The following ITGA6 variants were observed in gnomAD, a reference collection of about 807,000 sequenced individuals.
ITGA6 encodes integrin subunit alpha 6, also known as integrin alpha-6.
In ITGA6, 63 loss-of-function variants were observed where a neutral mutation model predicts 133.6. The ratio of observed to expected loss-of-function variants is 0.47; its 90% confidence interval spans 0.38 to 0.58. The LOEUF (loss-of-function observed/expected upper bound fraction) is 0.58. Among genes scored for constraint, ITGA6 ranks in the 20% least tolerant of loss-of-function variants. The pLI is 0.00. For missense variants in ITGA6, 1,068 were observed against 1,309.4 expected (o/e 0.82, Z 2.85); for synonymous variants, 434 against 482.0 (o/e 0.90, Z 1.30).
In ITGA6 at chr2:172,504,046, T is replaced by C. The variant is rs747349502; in HGVS notation, c.*23-45T>C. 1.4e-5 allele frequency: 20 copies of C among 1,474,436 alleles called. No homozygotes were observed. In the South Asian group the frequency reaches 2.2e-4, roughly 16 times the overall value. 91.3% of individuals were successfully genotyped at this position (1,474,436 alleles called of 1,614,324 possible). A position where few individuals can be genotyped will look rare whatever the true frequency, so the allele number is the denominator to read the frequency against. On this transcript the variant is annotated intron_variant, in intron 25 of 25. Transcript: ENST00000684293. ...CATTCCCATTTAGTGTATTTGCTTC[T>C]TTGTGAGATTAATTTGTTTCTCTTT... is the stretch of plus-strand genomic sequence containing the variant.
intron 5 of ITGA6, among the ~76,000 whole-genome samples, chr2:172,471,925 A>T (rs1685957734): frequency 6.6e-6 from 1 of 151,774 alleles, no homozygotes; most frequent in Non-Finnish European, 1.5e-5. Flanking sequence ...GAAGAAAAGT[A>T]CCCAGATGTT....
chr2:172,457,839 A>G (rs1256186457), intron 1 of ITGA6, among the ~76,000 whole-genome samples: 1 of 152,180 alleles, frequency 6.6e-6, no homozygotes, highest in African/African-American at 2.4e-5. Context: ...CAAACTAGGT[A>G]TATGGTTTTG....
intron 1 of ITGA6, among the ~76,000 whole-genome samples, chr2:172,456,293 A>G (rs16860435): frequency 0.095 from 14,508 of 152,260 alleles, 1,122 homozygotes; most frequent in African/African-American, 0.21. Context: ...GAGACTGGCC[A>G]TATGGCTTCC....
intron 1 of ITGA6, 70 bp from the exon 2 acceptor site, chr2:172,465,469 G>A: frequency 6.4e-7 from 1 of 1,563,766 alleles, no homozygotes; most frequent in East Asian, 2.2e-5. Flanking sequence ...CTATCTCCTA[G>A]TTCTGACTGA....
At position 172,504,047 on chromosome 2, in the gene ITGA6, T is replaced by C. The variant is rs1455920900; in HGVS notation, c.*23-44T>C. ...ATTCCCATTTAGTGTATTTGCTTCT[T>C]TGTGAGATTAATTTGTTTCTCTTTC... On this transcript the variant is annotated intron_variant, in intron 25 of 25. Transcript: ENST00000684293. The C allele has an allele frequency of 3.4e-6, 5 of 1,476,148 alleles. No individual in the cohort carries two copies. In the East Asian group the frequency reaches 1.2e-4, roughly 36 times the overall value. The allele number at this position is 1,476,148 out of a possible 1,614,324, so 91.4% of individuals were successfully genotyped here.
At chr2:172,451,965 ATAT>A (rs1685020720) in intron 1 of ITGA6, among the ~76,000 whole-genome samples, 1 of 119,476 alleles carries the variant, frequency 8.4e-6, no homozygotes, top group African/African-American at 3.2e-5. Flanking sequence ...GTACTTAAAG[ATAT>A]TTATATTATC....
intron 1 of ITGA6, among the ~76,000 whole-genome samples, chr2:172,457,264 C>T (rs1685246034): frequency 7.6e-6 from 1 of 130,958 alleles, no homozygotes; most frequent in South Asian, 2.4e-4. Flanking sequence ...CACTGCACTT[C>T]AGCCTGGGTG....
chr2:172,486,441 A>G (rs2701269), intron 13 of ITGA6, among the ~76,000 whole-genome samples: 27,276 of 151,990 alleles, frequency 0.18, 3,111 homozygotes, highest in African/African-American at 0.33. Flanking sequence ...ATGATTTTCT[A>G]TTTATCGGTG....
chr2:172,479,381 A>T (rs1686324718), intron 9 of ITGA6, among the ~76,000 whole-genome samples: 1 of 152,256 alleles, frequency 6.6e-6, no homozygotes, highest in Admixed American at 6.5e-5. Flanking sequence ...CAAAATATTT[A>T]CTTTAACCCC....
chr2:172,460,476 AGTTT>A (rs1685387405), intron 1 of ITGA6, among the ~76,000 whole-genome samples: 1 of 152,328 alleles, frequency 6.6e-6, no homozygotes, highest in South Asian at 2.1e-4. Flanking sequence ...GGGAGGTGGC[AGTTT>A]GTTCTTTCCT....
rs759905382 is a variant in ITGA6, at chr2:172,498,100, G to A, written c.3114G>A (p.Lys1038=). Residue 1038 remains lysine (K), a splice_region_variant and synonymous_variant, in exon 24 of 26, where the codon AAG becomes AAA. Transcript: ENST00000684293. ...CTTTATTAGTGTTTATACTATGGAA[G>A]GTAAGTCATATCTGGCATTTGAATT... ...MLALLVFILW[K]CGFFKRNKKD... is the part of the protein sequence containing the mutation. 3.1e-6 allele frequency: 5 copies of A among 1,613,302 alleles called. No homozygotes were observed. The highest frequency in any genetic ancestry group is 1.1e-5 in the South Asian group (1 of 91,050).
At chr2:172,478,421 T>C (rs1050723292) in intron 9 of ITGA6, among the ~76,000 whole-genome samples, 1 of 152,168 alleles carries the variant, frequency 6.6e-6, no homozygotes, top group Non-Finnish European at 1.5e-5. Flanking sequence ...CCTAACTGAA[T>C]CCACGTGGTA....
chr2:172,442,278 G>GCC (rs1347771217), intron 1 of ITGA6, among the ~76,000 whole-genome samples: 1 of 152,234 alleles, frequency 6.6e-6, no homozygotes, highest in Non-Finnish European at 1.5e-5. Context: ...CCGGTAGGAA[G>GCC]TGATTGCCCC....
rs766687400 is a variant in ITGA6, at chr2:172,469,316, A to T, written c.579A>T (p.Ala193=). 1.5e-5 allele frequency: 24 copies of T among 1,614,014 alleles called. No homozygotes were observed. In the African/African-American group the frequency reaches 2.8e-4, roughly 19 times the overall value. The change falls in exon 4 of 26, where the codon GCA becomes GCT. Residue 193 remains alanine (A), a synonymous_variant. Coordinates refer to ENST00000684293, the MANE Select transcript of ITGA6 (RefSeq NM_000210.4). ...EKFGSCQQGV[A]ATFTKDFHYI... ...TTGGCTCTTGCCAGCAAGGTGTAGC[A>T]GCTACTTTTACTAAAGACTTTCATT...
chr2:172,433,583 T>C (rs1226561662), intron 1 of ITGA6, among the ~76,000 whole-genome samples: 1 of 152,202 alleles, frequency 6.6e-6, no homozygotes, highest in African/African-American at 2.4e-5. Flanking sequence ...GTTTGTTAAA[T>C]AGATGAGGAA....
chr2:172,489,282 TG>T (rs1686821130), intron 19 of ITGA6, among the ~76,000 whole-genome samples: 7 of 152,384 alleles, frequency 4.6e-5, no homozygotes, highest in African/African-American at 1.7e-4. Flanking sequence ...AGTTGTCCTT[TG>T]ACCTTTTTGT....
chr2:172,455,373 C>G lies in ITGA6; in HGVS notation c.183-10166C>G, dbSNP rs541483232. The stretch of plus-strand genomic sequence containing the variant: ...ATACTTACTGAGGGCCTGCCACGTG[C>G]CAGACCTTGCTCTCAAAGCTTGGGA... On this transcript the variant is annotated intron_variant, in intron 1 of 25. Coordinates refer to ENST00000684293, the MANE Select transcript of ITGA6 (RefSeq NM_000210.4). 2.0e-5 allele frequency among the ~76,000 whole-genome samples: 3 copies of G among 152,212 alleles called. No homozygotes were observed. In the Middle Eastern group the frequency reaches 0.01, roughly 518 times the overall value.
chr2:172,448,575 A>G (rs1347757518), intron 1 of ITGA6, among the ~76,000 whole-genome samples: 1 of 152,214 alleles, frequency 6.6e-6, no homozygotes, highest in Non-Finnish European at 1.5e-5. Context: ...CATTATTAAT[A>G]ATAGCTTGTT....
rs542513700 is a variant in ITGA6, at chr2:172,459,681, CAG to C, written c.183-5855_183-5854del. Among the ~76,000 whole-genome samples, 333 of 152,294 alleles carry C rather than the reference CAG, an allele frequency of 2.2e-3. 1 individual carries two copies. Among genetic ancestry groups the C allele is most frequent in the African/African-American group, 7.8e-3 (324 of 41,562 alleles). On this transcript the variant is annotated intron_variant, in intron 1 of 25. Transcript: ENST00000684293. ...CAGCATAAAGACATTTTTGTATATGCAGAGTCACACTCAGTTTACCTGTCATA... is the reference window on the plus strand; with the variant it reads ...CAGCATAAAGACATTTTTGTATATGCAGTCACACTCAGTTTACCTGTCATA...
Sources: gnomAD v4.1 joint callset for allele counts (sites outside exome capture counted in the v4.1 genomes callset) on GRCh38, gnomAD v4.1.1 for gene constraint, MANE v1.5 for transcripts, NCBI Gene and HGNC (gene_info 2026-07-23, HGNC 2026-07-21) for gene names.